TBPL1: variants seen among roughly 807,000 people sequenced by gnomAD.
TBPL1 encodes the protein TATA-box binding protein like 1, also known as TATA box-binding protein-like 1.
A neutral mutation model predicts 22.1 loss-of-function variants in TBPL1; 4 were observed. That is an observed-to-expected ratio of 0.18 (90% CI 0.09 to 0.41). TBPL1 has a LOEUF of 0.41. Ranked by LOEUF, TBPL1 falls within the 10% of genes least tolerant of loss-of-function variation. The pLI is 1.00. For missense variants in TBPL1, 115 were observed against 222.3 expected (o/e 0.52, Z 3.07); for synonymous variants, 64 against 71.0 (o/e 0.90, Z 0.50).
chr6:133,973,106 C>CA (rs1776252698), intron 1 of TBPL1, among the ~76,000 whole-genome samples: 1 of 152,162 alleles, frequency 6.6e-6, no homozygotes, highest in South Asian at 2.1e-4. Flanking sequence ...GAGAGACTGT[C>CA]AAGTAATGTG....
At chr6:133,985,297 A>AATAT (rs3068194) in intron 6 of TBPL1, among the ~76,000 whole-genome samples, 447 of 42,786 alleles carry the variant, frequency 0.01, 11 homozygotes, top group Non-Finnish European at 0.012. Flanking sequence ...AAAAAAAAAA[A>AATAT]ATATATATAT....
At chr6:133,964,315 T>C (rs1178381018) in intron 1 of TBPL1, among the ~76,000 whole-genome samples, 1 of 152,172 alleles carries the variant, frequency 6.6e-6, no homozygotes, top group Non-Finnish European at 1.5e-5. Context: ...AATAAGAAAT[T>C]CCTAATGGTG....
At chr6:133,977,159 A>G (rs1437498910) in intron 1 of TBPL1, among the ~76,000 whole-genome samples, 1 of 152,132 alleles carries the variant, frequency 6.6e-6, no homozygotes, top group Non-Finnish European at 1.5e-5. Flanking sequence ...TCATGCTTCG[A>G]AAAATGTGAT....
At chr6:133,986,934 C>G (rs1323833829) in intron 6 of TBPL1, 27 bp from the exon 7 acceptor site, 2 of 1,537,794 alleles carry the variant, frequency 1.3e-6, no homozygotes, top group Non-Finnish European at 1.8e-6. Context: ...ACTCTTCTCA[C>G]TCCTTCCTCC....
chr6:133,989,025 G>A lies in TBPL1; in HGVS notation c.*1985G>A, dbSNP rs1186437866. On this transcript the variant is annotated 3_prime_UTR_variant, in exon 7 of 7. Coordinates refer to ENST00000237264, the MANE Select transcript of TBPL1 (RefSeq NM_004865.4). The stretch of plus-strand genomic sequence containing the variant: ...GGGCAGATCAATAGATAATCGAAGT[G>A]CTTTATCTGAAGGGAGAGGGTAAAG... 6.6e-6 allele frequency: 1 copy of A among 152,094 alleles called. No individual in the cohort carries two copies. Among genetic ancestry groups the A allele is most frequent in the Non-Finnish European group, 1.5e-5 (1 of 68,022 alleles). The allele number at this position is 152,094 out of a possible 1,614,324, so 9.4% of individuals were successfully genotyped here. A position where few individuals can be genotyped will look rare whatever the true frequency, so the allele number is the denominator to read the frequency against.
At chr6:133,986,565 C>T (rs1399855853) in intron 6 of TBPL1, among the ~76,000 whole-genome samples, 1 of 152,122 alleles carries the variant, frequency 6.6e-6, no homozygotes, top group Non-Finnish European at 1.5e-5. Context: ...CTGCTGTGTT[C>T]CTCCATATCC....
At chr6:133,966,857 C>T (rs1282898670) in intron 1 of TBPL1, among the ~76,000 whole-genome samples, 2 of 152,182 alleles carry the variant, frequency 1.3e-5, no homozygotes, top group East Asian at 1.9e-4. Context: ...GTCATCTTGC[C>T]TGGACTGCTG....
intron 4 of TBPL1, among the ~76,000 whole-genome samples, chr6:133,983,249 A>G (rs968091955): frequency 6.6e-6 from 1 of 152,242 alleles, no homozygotes; most frequent in African/African-American, 2.4e-5. Context: ...GGCCGTTGAC[A>G]TGGACACACC....
intron 1 of TBPL1, among the ~76,000 whole-genome samples, chr6:133,967,129 A>G (rs1380257836): frequency 6.6e-6 from 1 of 151,736 alleles, no homozygotes; most frequent in African/African-American, 2.4e-5. Flanking sequence ...AGCAGTTCCT[A>G]CTCTTAGCTG....
chr6:133,969,251 CTTTTT>C (rs536421364), intron 1 of TBPL1, among the ~76,000 whole-genome samples: 1 of 122,608 alleles, frequency 8.2e-6, no homozygotes, highest in Non-Finnish European at 1.7e-5. Context: ...ATAAAATACA[CTTTTT>C]TTTTTTTTTT....
At chr6:133,978,811 C>T (rs1776359244) in intron 1 of TBPL1, among the ~76,000 whole-genome samples, 1 of 152,108 alleles carries the variant, frequency 6.6e-6, no homozygotes, top group African/African-American at 2.4e-5. Context: ...AGACTCTTGG[C>T]CCCTTCACTG....
upstream of TBPL1, chr6:133,953,223 C>T (rs1370989528): frequency 1.3e-5 from 2 of 152,830 alleles, no homozygotes; most frequent in African/African-American, 2.4e-5. Context: ...GCTGCGGCCG[C>T]CTCGCACCCG....
chr6:133,973,139 C>T (rs1776253317), intron 1 of TBPL1, among the ~76,000 whole-genome samples: 1 of 152,204 alleles, frequency 6.6e-6, no homozygotes, highest in Admixed American at 6.5e-5. Flanking sequence ...CACAAAATGT[C>T]TATTTCCTAA....
intron 3 of TBPL1, 39 bp from the exon 4 acceptor site, chr6:133,982,778 T>TG: frequency 6.2e-7 from 1 of 1,600,460 alleles, no homozygotes; most frequent in Non-Finnish European, 8.5e-7. Context: ...ATTTATTTCC[T>TG]GTGTAACTGA....
chr6:133,954,160 ATTGCAAT>A, intron 1 of TBPL1, among the ~76,000 whole-genome samples: 1 of 152,232 alleles, frequency 6.6e-6, no homozygotes, highest in Non-Finnish European at 1.5e-5. Flanking sequence ...CAATGTGCTC[ATTGCAAT>A]AAGACTCAAA....
chr6:133,985,106 C>T (rs897983934), intron 6 of TBPL1, among the ~76,000 whole-genome samples: 13 of 150,690 alleles, frequency 8.6e-5, no homozygotes, highest in African/African-American at 3.2e-4. Flanking sequence ...GGTGAAACCC[C>T]GTCTCTACTA....
intron 1 of TBPL1, among the ~76,000 whole-genome samples, chr6:133,962,329 C>T (rs1776038741): frequency 6.6e-6 from 1 of 152,118 alleles, no homozygotes; most frequent in African/African-American, 2.4e-5. Flanking sequence ...ATGGAGAATG[C>T]AAGCAGAGAG....
intron 1 of TBPL1, among the ~76,000 whole-genome samples, chr6:133,969,375 T>C (rs967240670): frequency 5.3e-5 from 8 of 151,962 alleles, no homozygotes; most frequent in African/African-American, 1.9e-4. Flanking sequence ...CATAATTCAC[T>C]TTGATACAAA....
intron 1 of TBPL1, among the ~76,000 whole-genome samples, chr6:133,956,075 G>C (rs2114314951): frequency 1.3e-5 from 2 of 152,258 alleles, no homozygotes; most frequent in Admixed American, 1.3e-4. Flanking sequence ...TGAACATGAG[G>C]ACTGTTTTTA....
Sources: allele counts gnomAD v4.1 joint callset (sites outside exome capture counted in the v4.1 genomes callset), GRCh38; gene constraint gnomAD v4.1.1; transcripts MANE v1.5; gene names NCBI Gene and HGNC (gene_info 2026-07-23, HGNC 2026-07-21).